SENP6: variants seen among roughly 807,000 people sequenced by gnomAD.
SENP6 encodes the protein SUMO specific peptidase 6.
SENP6 carries 41 observed loss-of-function variants against 134.5 expected under a neutral mutation model. The ratio of observed to expected loss-of-function variants is 0.30; its 90% CI spans 0.24 to 0.40. The LOEUF (loss-of-function observed/expected upper bound fraction) is 0.40. SENP6 is among the 10% of genes least tolerant of loss of function. The pLI is 1.00. For missense variants in SENP6, 1,248 were observed against 1,312.5 expected (o/e 0.95, Z 0.76); for synonymous variants, 395 against 429.8 (o/e 0.92, Z 1.00).
At chr6:75,634,551 G>A (rs17529743) in intron 4 of SENP6, among the ~76,000 whole-genome samples, 156 bp from the exon 5 acceptor site, 2,587 of 152,186 alleles carry the variant, frequency 0.017, 50 homozygotes, top group East Asian at 0.11. Context: ...TTCAGGAAAT[G>A]GAAAACTCCC....
At chr6:75,687,799 G>A (rs1393541863) in intron 16 of SENP6, among the ~76,000 whole-genome samples, 1 of 152,172 alleles carries the variant, frequency 6.6e-6, no homozygotes, top group Admixed American at 6.5e-5. Flanking sequence ...CTGCCTATGT[G>A]AGGTGTCTGT....
chr6:75,685,649 G>A (rs570144145), intron 16 of SENP6, among the ~76,000 whole-genome samples: 222 of 152,208 alleles, frequency 1.5e-3, no homozygotes, highest in Non-Finnish European at 2.3e-3. Flanking sequence ...TCTTCATTTC[G>A]TTATTTACCC....
intron 10 of SENP6, among the ~76,000 whole-genome samples, chr6:75,667,417 A>G (rs1772328372): frequency 6.6e-6 from 1 of 152,212 alleles, no homozygotes; most frequent in African/African-American, 2.4e-5. Context: ...ATAGACTGAG[A>G]ACTCTTAAAA....
chr6:75,604,078 G>T (rs1766839387), intron 1 of SENP6, among the ~76,000 whole-genome samples: 1 of 152,122 alleles, frequency 6.6e-6, no homozygotes, highest in African/African-American at 2.4e-5. Flanking sequence ...GTATGCAGAT[G>T]ATTATACTTT....
chr6:75,605,139 A>G (rs1433871133), intron 1 of SENP6, among the ~76,000 whole-genome samples: 1 of 152,228 alleles, frequency 6.6e-6, no homozygotes, highest in African/African-American at 2.4e-5. Context: ...ATAAGTGTTC[A>G]AAATATTTCC....
intron 3 of SENP6, among the ~76,000 whole-genome samples, chr6:75,626,487 T>C (rs1221374544): frequency 6.6e-6 from 1 of 152,170 alleles, no homozygotes; most frequent in Non-Finnish European, 1.5e-5. Context: ...TTTTTATTGT[T>C]ATATAGTACT....
chr6:75,694,221 AC>A (rs1267154696), intron 16 of SENP6, among the ~76,000 whole-genome samples: 11 of 152,144 alleles, frequency 7.2e-5, no homozygotes, highest in African/African-American at 2.7e-4. Context: ...ATGCCATTGC[AC>A]TCCAGCCTGC....
At chr6:75,646,718 C>T (rs984000183) in intron 6 of SENP6, 1 of 152,290 alleles carries the variant, frequency 6.6e-6, no homozygotes, top group African/African-American at 2.4e-5. Flanking sequence ...CGCCTGTAGT[C>T]CTAGCTACTC....
intron 7 of SENP6, among the ~76,000 whole-genome samples, chr6:75,652,679 A>G (rs1210972818): frequency 2.9e-5 from 4 of 137,690 alleles, no homozygotes; most frequent in African/African-American, 1.1e-4. Flanking sequence ...TCTACTAAAA[A>G]TCTCAAAAAA....
intron 15 of SENP6, 57 bp from the exon 16 acceptor site, chr6:75,678,754 C>T: frequency 7.3e-7 from 1 of 1,368,476 alleles, no homozygotes; most frequent in Non-Finnish European, 1.0e-6. Context: ...TATTACATTT[C>T]AGTTGTGTAT....
chr6:75,666,649 A>G (rs1772266071), intron 9 of SENP6, 63 bp from the exon 10 acceptor site: 1 of 869,396 alleles, frequency 1.2e-6, no homozygotes, highest in African/African-American at 1.8e-5. Context: ...AATGGACAGA[A>G]ATGAAATATA....
chr6:75,655,394 T>C (rs957313023), intron 7 of SENP6: 4 of 152,226 alleles, frequency 2.6e-5, no homozygotes, highest in Admixed American at 2.0e-4. Context: ...AAAATCCCCA[T>C]GAAGACATAG....
chr6:75,657,709 T>C (rs1293136724), intron 7 of SENP6, among the ~76,000 whole-genome samples: 1 of 152,064 alleles, frequency 6.6e-6, no homozygotes, highest in Admixed American at 6.5e-5. Flanking sequence ...GGCAATACAA[T>C]GGGGGAACAG....
chr6:75,613,494 G>T (rs117542931), intron 1 of SENP6, among the ~76,000 whole-genome samples: 1 of 152,054 alleles, frequency 6.6e-6, no homozygotes, highest in African/African-American at 2.4e-5. Context: ...AAAAAAAAAA[G>T]TTCTTAATAG....
At chr6:75,628,876 C>T (rs941825450) in intron 3 of SENP6, among the ~76,000 whole-genome samples, 3 of 152,058 alleles carry the variant, frequency 2.0e-5, no homozygotes, top group African/African-American at 7.2e-5. Flanking sequence ...CCTGCCACCA[C>T]GTCTGACTAA....
intron 1 of SENP6, chr6:75,611,074 A>AC (rs1475463332): frequency 6.6e-6 from 1 of 152,190 alleles, no homozygotes; most frequent in Non-Finnish European, 1.5e-5. Context: ...TCAAAAATCT[A>AC]CAACTTTCTA....
intron 1 of SENP6, among the ~76,000 whole-genome samples, chr6:75,609,243 A>T (rs1258302246): frequency 6.6e-6 from 1 of 151,928 alleles, no homozygotes; most frequent in Non-Finnish European, 1.5e-5. Context: ...TCTTACTCTT[A>T]CCTCTTTTTC....
Position 75,711,431 on chromosome 6 carries a change from T to G in SENP6, c.2909+15T>G. 3 of 1,538,724 alleles carry G rather than the reference T, an allele frequency of 1.9e-6. No homozygotes were observed. The highest frequency in any genetic ancestry group is 2.7e-6 in the Non-Finnish European group (3 of 1,122,210). ...ATCTGTAAACAGTAAGCATTAACTG[T>G]GTATCTTGAAAACTACATAATTTTT... On this transcript the variant is annotated intron_variant, in intron 21 of 23. Transcript: ENST00000447266.
chr6:75,692,634 A>G (rs1774355397), intron 16 of SENP6, among the ~76,000 whole-genome samples: 1 of 151,956 alleles, frequency 6.6e-6, no homozygotes. Flanking sequence ...TCAAAGAAAT[A>G]AATAAAGCAC....
Sources: allele counts gnomAD v4.1 joint callset (sites outside exome capture counted in the v4.1 genomes callset), GRCh38; gene constraint gnomAD v4.1.1; transcripts MANE v1.5; gene names NCBI Gene and HGNC (gene_info 2026-07-23, HGNC 2026-07-21).